DPY19L3: variants seen among roughly 807,000 people sequenced by gnomAD.
DPY19L3 encodes protein C-mannosyl-transferase DPY19L3.
In DPY19L3, 51 loss-of-function variants were observed where a neutral mutation model predicts 92.3. The observed-to-expected ratio is 0.55, with a 90% confidence interval of 0.44 to 0.70. DPY19L3 has a LOEUF of 0.70. DPY19L3 is among the 30% of genes least tolerant of loss of function. The probability of loss-of-function intolerance (pLI) is 0.00; values close to 1 mark genes in which losing one functional copy is unlikely to be tolerated. For synonymous variants in DPY19L3, 309 were observed against 315.2 expected (o/e 0.98, Z 0.21); for missense variants, 706 against 855.9 (o/e 0.82, Z 2.18).
intron 11 of DPY19L3, 37 bp downstream of exon 11, chr19:32,458,210 T>G: frequency 6.3e-7 from 1 of 1,598,512 alleles, no homozygotes; most frequent in Non-Finnish European, 8.5e-7. Flanking sequence ...TGCTATTTTC[T>G]ATTGAATCAG....
At chr19:32,425,290 G>T (rs1020856339) in intron 3 of DPY19L3, among the ~76,000 whole-genome samples, 1 of 152,160 alleles carries the variant, frequency 6.6e-6, no homozygotes, top group African/African-American at 2.4e-5. Context: ...TGTGGCTCAT[G>T]CCTGTAATCT....
chr19:32,447,677 T>C (rs1032753479), intron 8 of DPY19L3, among the ~76,000 whole-genome samples: 2 of 151,782 alleles, frequency 1.3e-5, no homozygotes, highest in African/African-American at 2.4e-5. Context: ...GACTGCACCA[T>C]TGCACCCCAG....
chr19:32,413,124 A>T (rs1166971341), intron 3 of DPY19L3: 1 of 152,162 alleles, frequency 6.6e-6, no homozygotes, highest in African/African-American at 2.4e-5. Flanking sequence ...ATGATCTTTA[A>T]CCTAAACTGT....
At chr19:32,414,621 C>T (rs117173012) in intron 3 of DPY19L3, among the ~76,000 whole-genome samples, 85 of 151,422 alleles carry the variant, frequency 5.6e-4, no homozygotes, top group East Asian at 5.2e-3. Context: ...GCTTGTAAAG[C>T]GATTCCCTAG....
intron 8 of DPY19L3, among the ~76,000 whole-genome samples, chr19:32,448,352 A>G (rs1488474776): frequency 6.6e-6 from 1 of 152,194 alleles, no homozygotes; most frequent in African/African-American, 2.4e-5. Context: ...TATTCTACAC[A>G]GAAAGGATAT....
chr19:32,409,949 T>C (rs953305890), intron 2 of DPY19L3, among the ~76,000 whole-genome samples: 5 of 152,216 alleles, frequency 3.3e-5, no homozygotes, highest in Admixed American at 1.3e-4. Flanking sequence ...GCAGGGTACA[T>C]GCCTAGATTG....
Position 32,482,175 on chromosome 19 carries a change from G to T in DPY19L3, c.2086G>T (p.Ala696Ser), listed in dbSNP as rs1272039199. 6.2e-7 allele frequency: 1 copy of T among 1,613,696 alleles called. No individual in the cohort carries two copies. ...CAAAAGAAACCTGCCTCCCTACGTG[G>T]CCTACTTCACCAGAGTGTTCCAGAA... ...EIKRNLPPYV[A>S]YFTRVFQNKT... Residue 696 changes from alanine to serine, a missense_variant, in exon 19 of 19, where the codon GCC becomes TCC. Ala to Ser is a moderately conservative substitution (Grantham distance 99). Transcript: ENST00000392250.
At position 32,463,400 on chromosome 19, in the gene DPY19L3, G is replaced by C; in HGVS notation, c.1357G>C (p.Glu453Gln). Residue 453 changes from glutamate (E) to glutamine (Q), a missense_variant, in exon 13 of 19, where the codon GAA becomes CAA. Transcript: ENST00000392250. ...STNQQSVGKM[E>Q]KGTVDLKPET... ...AAATCAACAATCCGTGGGTAAAATG[G>C]AAAAAGGCACAGTTGACCTGAAACC... 1 of 1,613,754 alleles carries C rather than the reference G, an allele frequency of 6.2e-7. No homozygotes were observed. Among genetic ancestry groups the C allele is most frequent in the South Asian group, 1.1e-5 (1 of 91,076 alleles).
chr19:32,471,792 C>G (rs143157904), intron 16 of DPY19L3, among the ~76,000 whole-genome samples: 95 of 152,192 alleles, frequency 6.2e-4, no homozygotes, highest in African/African-American at 2.1e-3. Flanking sequence ...GAAGAGATAT[C>G]CTCAAGGGAA....
At chr19:32,436,424 CT>C in intron 4 of DPY19L3, 21 bp from the exon 5 acceptor site, 1 of 1,437,426 alleles carries the variant, frequency 7.0e-7, no homozygotes, top group East Asian at 2.4e-5. Flanking sequence ...TATTTTCTTC[CT>C]GACTTTTCAC....
intron 6 of DPY19L3, among the ~76,000 whole-genome samples, chr19:32,438,079 A>G (rs1390903335): frequency 1.3e-5 from 2 of 152,200 alleles, no homozygotes; most frequent in Non-Finnish European, 2.9e-5. Context: ...TGCCTTATTT[A>G]ATATCTACTA....
At chr19:32,408,651 GTCTC>G (rs1014154517) in intron 2 of DPY19L3, among the ~76,000 whole-genome samples, 6 of 152,158 alleles carry the variant, frequency 3.9e-5, no homozygotes, top group South Asian at 2.1e-4. Context: ...CCAGATTTTA[GTCTC>G]TCTCTAATTT....
At chr19:32,439,040 T>C (rs191203195) in intron 6 of DPY19L3, 72 bp from the exon 7 acceptor site, 4 of 1,521,032 alleles carry the variant, frequency 2.6e-6, no homozygotes, top group African/African-American at 2.8e-5. Flanking sequence ...AATATATCTT[T>C]CGTTGAGGAA....
chr19:32,480,718 G>A, intron 18 of DPY19L3, 161 bp downstream of exon 18: 1 of 1,018,356 alleles, frequency 9.8e-7, no homozygotes, highest in South Asian at 1.7e-5. Flanking sequence ...CCCTCTCTTG[G>A]CACTTTAGTG....
At chr19:32,475,232 C>T (rs1326329924) in intron 16 of DPY19L3, among the ~76,000 whole-genome samples, 2 of 152,168 alleles carry the variant, frequency 1.3e-5, no homozygotes, top group Admixed American at 6.5e-5. Context: ...GTGAGATAGT[C>T]TTGTGATTGG....
At position 32,410,692 on chromosome 19, in the gene DPY19L3, AG is replaced by A. The variant is rs1313033906; in HGVS notation, c.104-546del. Among the ~76,000 whole-genome samples, 7 of 152,340 alleles carry A rather than the reference AG, an allele frequency of 4.6e-5. No homozygotes were observed. The East Asian group carries it at 1.3e-3, about 29-fold the overall frequency. Reference sequence around the variant, plus strand: ...CAGCTACTCAGGAGGCTGAGGTGGGAGAATTGCTTGAACCTAGGAGGCAGAG... The same window carrying A: ...CAGCTACTCAGGAGGCTGAGGTGGGAAATTGCTTGAACCTAGGAGGCAGAG... On this transcript the variant is annotated intron_variant, in intron 2 of 18. Coordinates refer to ENST00000392250, the MANE Select transcript of DPY19L3 (RefSeq NM_001172774.2).
chr19:32,426,294 A>G (rs2145449975), intron 3 of DPY19L3, among the ~76,000 whole-genome samples: 1 of 152,340 alleles, frequency 6.6e-6, no homozygotes, highest in Non-Finnish European at 1.5e-5. Context: ...TTGATTTTCC[A>G]TCAGAGCATT....
chr19:32,407,027 T>C (rs1967983781), intron 1 of DPY19L3, among the ~76,000 whole-genome samples: 1 of 148,812 alleles, frequency 6.7e-6, no homozygotes, highest in Non-Finnish European at 1.5e-5. Flanking sequence ...TTGGTATGAA[T>C]GAATACATGA....
chr19:32,417,137 T>G, intron 3 of DPY19L3, among the ~76,000 whole-genome samples: 1 of 152,198 alleles, frequency 6.6e-6, no homozygotes, highest in Middle Eastern at 3.2e-3. Flanking sequence ...CCAGATTCTT[T>G]ATTCTTAGAG....
Sources: allele counts gnomAD v4.1 joint callset (sites outside exome capture counted in the v4.1 genomes callset), GRCh38; gene constraint gnomAD v4.1.1; transcripts MANE v1.5; gene names NCBI Gene and HGNC (gene_info 2026-07-23, HGNC 2026-07-21).